Variants in CTNNA3 observed in about 807,000 individuals in gnomAD.
The protein encoded by CTNNA3 is catenin alpha-3.
Under a neutral mutation model 95.7 loss-of-function variants are expected in CTNNA3, and 76 were observed. The observed-to-expected ratio is 0.79, with a 90% CI of 0.66 to 0.96. The LOEUF (loss-of-function observed/expected upper bound fraction) is 0.96, where lower values mean the gene tolerates loss of function less well. CTNNA3 is among the 40% of genes least tolerant of loss of function. CTNNA3 has a pLI of 0.00. For missense variants in CTNNA3, 1,191 were observed against 1,089.8 expected (o/e 1.09, Z -1.31); for synonymous variants, 431 against 374.4 (o/e 1.15, Z -1.74).
chr10:66,060,637 G>A (rs1053462724), intron 15 of CTNNA3, among the ~76,000 whole-genome samples: 8 of 152,068 alleles, frequency 5.3e-5, no homozygotes, highest in Non-Finnish European at 8.8e-5. Flanking sequence ...ACTTAGGTAT[G>A]ATTAAACTTG....
At chr10:67,727,677 TA>T (rs1469673162) in intron 1 of CTNNA3, among the ~76,000 whole-genome samples, 1 of 127,896 alleles carries the variant, frequency 7.8e-6, no homozygotes, top group Non-Finnish European at 1.6e-5. Flanking sequence ...ATATAATATA[TA>T]AATATATAAT....
intron 6 of CTNNA3, among the ~76,000 whole-genome samples, chr10:67,204,193 C>T (rs901405047): frequency 2.6e-5 from 4 of 152,188 alleles, no homozygotes; most frequent in Admixed American, 6.5e-5. Flanking sequence ...TGGATACGCA[C>T]GTCCCCACCC....
At chr10:66,735,982 C>A (rs1473848863) in intron 9 of CTNNA3, among the ~76,000 whole-genome samples, 1 of 152,160 alleles carries the variant, frequency 6.6e-6, no homozygotes, top group Non-Finnish European at 1.5e-5. Context: ...GAACATGCTT[C>A]CCATTTGGCG....
In CTNNA3 at chr10:66,047,358, A is replaced by C. The variant is rs1027286721; in HGVS notation, c.2159+21950T>G. The stretch of plus-strand genomic sequence containing the variant: ...ATCAATAAATGTGATTCATCACATA[A>C]ACGGAACTAAAAACAAAAACCACAT... On this transcript the variant is annotated intron_variant, in intron 15 of 17. Coordinates refer to ENST00000433211, the MANE Select transcript of CTNNA3 (RefSeq NM_013266.4). Among the ~76,000 whole-genome samples the C allele has an allele frequency of 5.9e-5, 9 of 152,340 alleles. No individual in the cohort carries two copies. The East Asian group carries it at 1.5e-3, about 26-fold the overall frequency.
chr10:66,738,497 T>C (rs1849220526), intron 9 of CTNNA3, among the ~76,000 whole-genome samples: 1 of 152,230 alleles, frequency 6.6e-6, no homozygotes, highest in Non-Finnish European at 1.5e-5. Context: ...TGGTTCTTTA[T>C]TGAAAAAGCA....
intron 3 of CTNNA3, among the ~76,000 whole-genome samples, chr10:67,594,636 A>G (rs1263301311): frequency 6.7e-6 from 1 of 149,622 alleles, no homozygotes. Flanking sequence ...TATTTGGATC[A>G]TCTCTATTTT....
At chr10:66,364,237 A>T (rs1270500242) in intron 12 of CTNNA3, among the ~76,000 whole-genome samples, 3 of 151,564 alleles carry the variant, frequency 2.0e-5, no homozygotes, top group Non-Finnish European at 2.9e-5. Context: ...ACAACAATAA[A>T]ATCATTTAAA....
At chr10:66,262,967 C>T (rs1403230052) in intron 13 of CTNNA3, among the ~76,000 whole-genome samples, 5 of 151,688 alleles carry the variant, frequency 3.3e-5, no homozygotes, top group Non-Finnish European at 5.9e-5. Context: ...TGAAGTAGAC[C>T]GTGGGTGAAT....
intron 10 of CTNNA3, among the ~76,000 whole-genome samples, chr10:66,619,732 G>T (rs1187334024): frequency 6.7e-6 from 1 of 150,306 alleles, no homozygotes; most frequent in East Asian, 2.0e-4. Flanking sequence ...AACATAAAAA[G>T]TAAAAAATAA....
intron 5 of CTNNA3, among the ~76,000 whole-genome samples, chr10:67,511,207 G>A (rs1012704559): frequency 6.6e-6 from 1 of 152,104 alleles, no homozygotes; most frequent in African/African-American, 2.4e-5. Flanking sequence ...TGATTGCCCT[G>A]GCCAGAACTT....
intron 7 of CTNNA3, among the ~76,000 whole-genome samples, chr10:66,895,971 C>A (rs2093908982): frequency 6.6e-6 from 1 of 150,784 alleles, no homozygotes. Context: ...GTGGCACATG[C>A]CTGTAATCCA....
upstream of CTNNA3, among the ~76,000 whole-genome samples, chr10:67,696,786 C>CT (rs78035749): frequency 1.6e-4 from 25 of 151,710 alleles, no homozygotes; most frequent in Non-Finnish European, 2.5e-4. Context: ...TTCCTTTTCC[C>CT]TTTTTTTTGA....
rs377302385 is a variant in CTNNA3 at position 67,182,474 on chromosome 10, G to T, written c.844-1954C>A. 4.9e-3 allele frequency among the ~76,000 whole-genome samples: 742 copies of T among 151,218 alleles called. 8 individuals carry two copies. Among genetic ancestry groups the T allele is most frequent in the African/African-American group, 0.017 (704 of 40,716 alleles). On this transcript the variant is annotated intron_variant, in intron 6 of 17. Transcript: ENST00000433211. ...ATTTAATAAATGGTGCTGGGAAAAC[G>T]GGCTAGCCATATGTAGAAAGCTGAA...
chr10:67,580,603 T>G lies in CTNNA3; in HGVS notation c.292+26254A>C, dbSNP rs1452300233. On this transcript the variant is annotated intron_variant, in intron 3 of 17. Transcript: ENST00000433211. ...TTTCCAATTCTGTGAAGAAAGTCAT[T>G]GGTAGCTTGATGGGGATGGCATTGA... Among the ~76,000 whole-genome samples the G allele has an allele frequency of 9.3e-5, 14 of 151,134 alleles. No individual in the cohort carries two copies. In the South Asian group the frequency reaches 2.1e-3, roughly 23 times the overall value.
intron 1 of CTNNA3, among the ~76,000 whole-genome samples, chr10:67,651,403 G>C (rs1212524328): frequency 6.6e-6 from 1 of 151,914 alleles, no homozygotes; most frequent in Admixed American, 6.6e-5. Flanking sequence ...GTAGAATATG[G>C]ACTTTTATTC....
intron 5 of CTNNA3, among the ~76,000 whole-genome samples, chr10:67,275,319 T>C (rs1839145867): frequency 1.3e-5 from 2 of 152,168 alleles, no homozygotes. Flanking sequence ...CTGTGGTCCT[T>C]GGCAGCATGG....
intron 13 of CTNNA3, among the ~76,000 whole-genome samples, chr10:66,162,396 G>A (rs2084899961): frequency 1.3e-5 from 2 of 152,134 alleles, no homozygotes; most frequent in African/African-American, 4.8e-5. Context: ...CCCAAGGAAT[G>A]TTCCTTTGAT....
chr10:66,281,234 T>C (rs193040916), intron 12 of CTNNA3, among the ~76,000 whole-genome samples: 3 of 152,038 alleles, frequency 2.0e-5, no homozygotes, highest in Admixed American at 6.6e-5. Context: ...TGACTGACTA[T>C]AGGGATGCTT....
chr10:66,508,541 A>G (rs1840545683), intron 11 of CTNNA3, among the ~76,000 whole-genome samples: 1 of 152,030 alleles, frequency 6.6e-6, no homozygotes, highest in Admixed American at 6.6e-5. Context: ...CACTTTTATA[A>G]TGTATAAACT....
Sources: gnomAD v4.1 joint callset for allele counts (sites outside exome capture counted in the v4.1 genomes callset) on GRCh38, gnomAD v4.1.1 for gene constraint, MANE v1.5 for transcripts, NCBI Gene and HGNC (gene_info 2026-07-23, HGNC 2026-07-21) for gene names.